The following ZNF521 variants were observed in gnomAD, a reference collection of about 807,000 sequenced individuals.
The protein encoded by ZNF521 is LYST-interacting protein 3.
ZNF521 carries 14 observed loss-of-function variants against 105.5 expected under a neutral mutation model. That is an observed-to-expected ratio of 0.13 (90% confidence interval 0.09 to 0.21). The LOEUF is 0.21. Ranked by LOEUF, ZNF521 falls within the 10% of genes least tolerant of loss-of-function variation. The probability of loss-of-function intolerance (pLI) is 1.00; values close to 1 mark genes in which losing one functional copy is unlikely to be tolerated. For missense variants in ZNF521, 1,233 were observed against 1,629.7 expected (o/e 0.76, Z 4.19); for synonymous variants, 635 against 606.0 (o/e 1.05, Z -0.70).
At chr18:25,322,745 T>G (rs1477716420) in intron 2 of ZNF521, among the ~76,000 whole-genome samples, 1 of 152,186 alleles carries the variant, frequency 6.6e-6, no homozygotes, top group Non-Finnish European at 1.5e-5. Context: ...CAAAATAAGC[T>G]GTATCACATG....
rs576191621 is a variant in ZNF521 at position 25,224,724 on chromosome 18, T to A, written c.3194A>T (p.Tyr1065Phe). ...TGRGQHVQKL[Y>F]KCASCLKEFR... is the part of the protein sequence containing the mutation. ...TTCTTTGAGGCAAGATGCGCACTTA[T>A]ACAGTTTTTGGACGTGCTGGCCCCG... The change falls in exon 4 of 8, where the codon TAT (tyrosine) becomes TTT (phenylalanine). Residue 1065 changes from tyrosine to phenylalanine, a missense_variant. Tyr to Phe is a conservative substitution (Grantham distance 22). Coordinates refer to ENST00000361524, the MANE Select transcript of ZNF521 (RefSeq NM_015461.3). 1.2e-6 allele frequency: 2 copies of A among 1,614,080 alleles called. No individual in the cohort carries two copies. Among genetic ancestry groups the A allele is most frequent in the Admixed American group, 3.3e-5 (2 of 60,022 alleles).
chr18:25,250,053 C>T (rs912149318), intron 3 of ZNF521, among the ~76,000 whole-genome samples: 21 of 152,176 alleles, frequency 1.4e-4, no homozygotes, highest in African/African-American at 5.1e-4. Context: ...ATTCACCAGC[C>T]TCAGCATCGG....
chr18:25,350,872 TG>T, intron 2 of ZNF521, 34 bp downstream of exon 2: 1 of 1,544,412 alleles, frequency 6.5e-7, no homozygotes. Flanking sequence ...CACTCGCGGA[TG>T]GGGGAAAGCG....
At chr18:25,099,485 A>G (rs1190173882) in intron 5 of ZNF521, among the ~76,000 whole-genome samples, 1 of 152,196 alleles carries the variant, frequency 6.6e-6, no homozygotes, top group African/African-American at 2.4e-5. Context: ...TGATAAGCCA[A>G]AACTTATCCC....
rs60907023 is a variant in ZNF521, at chr18:25,062,422, CTT to C, written c.*288_*289del. On this transcript the variant is annotated 3_prime_UTR_variant, in exon 8 of 8. Transcript: ENST00000361524. ...TATCTTAAGCCATTTTGGTCATAGT[CTT>C]TTTTTTTTTTTAATCTTGCCTGAAT... 1,986 of 298,382 alleles carry C rather than the reference CTT, an allele frequency of 6.7e-3. No homozygotes were observed. Among genetic ancestry groups the C allele is most frequent in the Middle Eastern group, 0.011 (12 of 1,094 alleles). 18.5% of individuals were successfully genotyped at this position (298,382 alleles called of 1,614,324 possible). A position where few individuals can be genotyped will look rare whatever the true frequency, so the allele number is the denominator to read the frequency against.
At chr18:25,155,901 T>C (rs1222054934) in intron 5 of ZNF521, among the ~76,000 whole-genome samples, 3 of 152,160 alleles carry the variant, frequency 2.0e-5, no homozygotes, top group Non-Finnish European at 4.4e-5. Flanking sequence ...TATTGAATAT[T>C]CTCACTTATA....
intron 3 of ZNF521, among the ~76,000 whole-genome samples, chr18:25,305,079 A>G (rs192322539): frequency 3.3e-4 from 51 of 152,308 alleles, no homozygotes; most frequent in African/African-American, 1.2e-3. Flanking sequence ...TTGTCGCACA[A>G]ATGCACTTCT....
At chr18:25,181,659 A>C (rs1250129668) in intron 5 of ZNF521, among the ~76,000 whole-genome samples, 1 of 152,176 alleles carries the variant, frequency 6.6e-6, no homozygotes, top group Non-Finnish European at 1.5e-5. Flanking sequence ...CTAGAGAATG[A>C]TTTTAAACAT....
intron 4 of ZNF521, among the ~76,000 whole-genome samples, chr18:25,213,160 T>C (rs1027407052): frequency 6.8e-6 from 1 of 146,394 alleles, no homozygotes; most frequent in Non-Finnish European, 1.5e-5. Flanking sequence ...TATAATAATA[T>C]AGTTACATTA....
intron 5 of ZNF521, among the ~76,000 whole-genome samples, chr18:25,145,588 G>T (rs1453282973): frequency 1.3e-5 from 2 of 152,118 alleles, no homozygotes; most frequent in African/African-American, 4.8e-5. Context: ...TTAAGCTTGG[G>T]TCTGTCACTG....
intron 5 of ZNF521, among the ~76,000 whole-genome samples, chr18:25,139,943 G>A (rs1248940823): frequency 3.3e-5 from 5 of 152,092 alleles, no homozygotes; most frequent in African/African-American, 7.2e-5. Context: ...TAAGGTACAC[G>A]GAAACAAGCC....
intron 7 of ZNF521, among the ~76,000 whole-genome samples, chr18:25,075,221 C>T (rs992551722): frequency 1.3e-5 from 2 of 152,136 alleles, no homozygotes; most frequent in Non-Finnish European, 2.9e-5. Context: ...ATTTAAAGCC[C>T]TCATGCTTGC....
At chr18:25,094,362 A>G (rs2144228507) in intron 5 of ZNF521, among the ~76,000 whole-genome samples, 1 of 152,306 alleles carries the variant, frequency 6.6e-6, no homozygotes, top group South Asian at 2.1e-4. Context: ...TACCCAAAGA[A>G]AAGAGAAGTT....
chr18:25,323,870 C>T (rs1197450899), intron 2 of ZNF521, among the ~76,000 whole-genome samples: 1 of 151,974 alleles, frequency 6.6e-6, no homozygotes, highest in African/African-American at 2.4e-5. Flanking sequence ...CAACGATTCA[C>T]ATATGCCAAA....
chr18:25,297,483 G>T (rs1391797049), intron 3 of ZNF521, among the ~76,000 whole-genome samples: 9 of 152,036 alleles, frequency 5.9e-5, no homozygotes, highest in Admixed American at 5.9e-4. Flanking sequence ...CATTGCCAGG[G>T]TGCTTTGAAA....
intron 3 of ZNF521, among the ~76,000 whole-genome samples, chr18:25,275,437 A>G (rs1909967417): frequency 6.6e-6 from 1 of 152,216 alleles, no homozygotes; most frequent in African/African-American, 2.4e-5. Flanking sequence ...AATGTACAGA[A>G]TCTTTACACT....
chr18:25,181,351 T>C (rs2035628644), intron 5 of ZNF521, among the ~76,000 whole-genome samples: 1 of 152,300 alleles, frequency 6.6e-6, no homozygotes, highest in African/African-American at 2.4e-5. Context: ...TCAGTATTAG[T>C]GCTCTCTGCC....
chr18:25,280,367 G>T (rs997998889), intron 3 of ZNF521, among the ~76,000 whole-genome samples: 10 of 150,160 alleles, frequency 6.7e-5, no homozygotes, highest in Non-Finnish European at 7.4e-5. Context: ...CTTTTACAAA[G>T]AAAAAGACCC....
chr18:25,159,011 T>C (rs1321993628), intron 5 of ZNF521, among the ~76,000 whole-genome samples: 1 of 150,422 alleles, frequency 6.6e-6, no homozygotes, highest in East Asian at 1.9e-4. Flanking sequence ...GAAGGAAACA[T>C]CCAGCAAACA....
Sources: gnomAD v4.1 joint callset for allele counts (sites outside exome capture counted in the v4.1 genomes callset) on GRCh38, gnomAD v4.1.1 for gene constraint, MANE v1.5 for transcripts, NCBI Gene and HGNC (gene_info 2026-07-23, HGNC 2026-07-21) for gene names.